Variants in LRBA observed in about 807,000 individuals in gnomAD.
LRBA encodes LPS responsive beige-like anchor protein.
A neutral mutation model predicts 330.0 loss-of-function variants in LRBA; 176 were observed. The ratio of observed to expected loss-of-function variants is 0.53; its 90% CI spans 0.47 to 0.60. LRBA has a LOEUF of 0.60. Among genes scored for constraint, LRBA ranks in the 20% least tolerant of loss-of-function variants. The pLI, the probability that LRBA is intolerant of heterozygous loss-of-function variation, is 0.00. For synonymous variants in LRBA, 1,230 were observed against 1,193.0 expected, an observed-to-expected ratio of 1.03 and a Z score of -0.64; for missense variants, 3,259 against 3,444.8, an observed-to-expected ratio of 0.95 and a Z score of 1.35.
chr4:150,281,941 T>G (rs1259056698), intron 55 of LRBA, among the ~76,000 whole-genome samples: 1 of 152,200 alleles, frequency 6.6e-6, no homozygotes, highest in Non-Finnish European at 1.5e-5. Flanking sequence ...TATCATAATT[T>G]GAAGCCCAGC....
chr4:150,852,785 A>G lies in LRBA; in HGVS notation c.2925T>C (p.Asp975=). 2 of 1,614,036 alleles carry G rather than the reference A, an allele frequency of 1.2e-6. No homozygotes were observed. The highest frequency in any genetic ancestry group is 1.7e-6 in the Non-Finnish European group (2 of 1,179,950). ...GAGGACAGACAGGAGAATCCTTCGT[A>G]TCTGGTTGCTGGGATCCTACTGAAA... ...INVSVGSQQP[D]TKDSPVCPHF... The change falls in exon 23 of 57, where the codon GAT becomes GAC. Residue 975 remains aspartate (D), a synonymous_variant. Transcript: ENST00000651943.
At chr4:150,547,983 G>A (rs1409855940) in intron 40 of LRBA, among the ~76,000 whole-genome samples, 1 of 152,044 alleles carries the variant, frequency 6.6e-6, no homozygotes, top group Non-Finnish European at 1.5e-5. Context: ...GGAACAAATG[G>A]AATGCCTTAA....
intron 37 of LRBA, among the ~76,000 whole-genome samples, chr4:150,612,902 TA>T (rs1775412242): frequency 6.6e-6 from 1 of 152,182 alleles, no homozygotes; most frequent in Admixed American, 6.5e-5. Context: ...CAAGAAGCTT[TA>T]AAGAGCAAGA....
intron 45 of LRBA, among the ~76,000 whole-genome samples, chr4:150,436,411 T>C (rs1459600113): frequency 6.6e-6 from 1 of 152,192 alleles, no homozygotes; most frequent in African/African-American, 2.4e-5. Flanking sequence ...TACATGTCTG[T>C]GTTAGTAACA....
intron 13 of LRBA, among the ~76,000 whole-genome samples, chr4:150,901,783 A>G (rs1730755186): frequency 6.6e-6 from 1 of 152,222 alleles, no homozygotes; most frequent in Non-Finnish European, 1.5e-5. Flanking sequence ...CTATACACAT[A>G]CAATACATTG....
intron 28 of LRBA, among the ~76,000 whole-genome samples, chr4:150,839,024 A>T (rs959723654): frequency 5.3e-5 from 8 of 152,258 alleles, no homozygotes; most frequent in South Asian, 2.1e-4. Context: ...GAATCTACAA[A>T]TAACTCAAAC....
intron 37 of LRBA, among the ~76,000 whole-genome samples, chr4:150,619,601 T>C (rs1218481051): frequency 6.6e-6 from 1 of 152,188 alleles, no homozygotes; most frequent in Non-Finnish European, 1.5e-5. Context: ...TTGTTATTAC[T>C]ATACAGATTC....
intron 37 of LRBA, among the ~76,000 whole-genome samples, chr4:150,669,178 T>C (rs911446057): frequency 6.6e-6 from 1 of 152,178 alleles, no homozygotes; most frequent in African/African-American, 2.4e-5. Context: ...GTTTCATGCA[T>C]ATGCAATAAT....
chr4:150,795,634 T>G (rs2126660957), intron 34 of LRBA, among the ~76,000 whole-genome samples: 1 of 152,086 alleles, frequency 6.6e-6, no homozygotes, highest in East Asian at 1.9e-4. Flanking sequence ...TAAACAATAT[T>G]AACATTTAAA....
chr4:150,865,926 G>A (rs749212596), intron 22 of LRBA, among the ~76,000 whole-genome samples: 27 of 152,056 alleles, frequency 1.8e-4, no homozygotes, highest in Non-Finnish European at 3.4e-4. Context: ...ATGTTGGCCA[G>A]GCTAGTCTCC....
chr4:150,899,397 AC>A (rs1030884173), intron 14 of LRBA, among the ~76,000 whole-genome samples: 96 of 152,224 alleles, frequency 6.3e-4, no homozygotes, highest in Middle Eastern at 3.4e-3. Flanking sequence ...TACTCAGAAT[AC>A]CTTTATCAAG....
At chr4:150,974,952 G>C (rs1739984001) in intron 2 of LRBA, among the ~76,000 whole-genome samples, 1 of 152,182 alleles carries the variant, frequency 6.6e-6, no homozygotes, top group Admixed American at 6.5e-5. Flanking sequence ...GCCAAAACTT[G>C]TGGTCTGACC....
upstream of LRBA, chr4:151,015,333 G>T: frequency 6.6e-6 from 1 of 152,634 alleles, no homozygotes; most frequent in Non-Finnish European, 1.5e-5. Context: ...AGTGGGAGGA[G>T]TGAAGCACCT....
At chr4:150,528,075 T>C (rs1480951133) in intron 40 of LRBA, among the ~76,000 whole-genome samples, 1 of 152,222 alleles carries the variant, frequency 6.6e-6, no homozygotes, top group Non-Finnish European at 1.5e-5. Flanking sequence ...GGTAAAAATA[T>C]AGAAGTAATG....
intron 28 of LRBA, among the ~76,000 whole-genome samples, chr4:150,836,886 T>C (rs1472502851): frequency 6.6e-6 from 1 of 152,238 alleles, no homozygotes; most frequent in Non-Finnish European, 1.5e-5. Flanking sequence ...ATTGTGATGT[T>C]AGGGTGTCAA....
intron 2 of LRBA, among the ~76,000 whole-genome samples, chr4:150,974,061 G>A (rs1579371229): frequency 1.3e-5 from 2 of 152,160 alleles, no homozygotes; most frequent in African/African-American, 4.8e-5. Context: ...CTATAAAAGG[G>A]TAATGGACAC....
chr4:150,955,161 G>C (rs1737400310), intron 2 of LRBA, among the ~76,000 whole-genome samples: 2 of 148,820 alleles, frequency 1.3e-5, no homozygotes, highest in Admixed American at 1.3e-4. Context: ...TGTAGTCCCA[G>C]TGTCTCAGGA....
chr4:150,289,717 G>C (rs1748605428), intron 53 of LRBA, among the ~76,000 whole-genome samples: 1 of 152,146 alleles, frequency 6.6e-6, no homozygotes. Context: ...TGTACAGATT[G>C]AGCATTCTTT....
At position 150,484,609 on chromosome 4, in the gene LRBA, T is replaced by G. The variant is rs945615827; in HGVS notation, c.6551+3123A>C. On this transcript the variant is annotated intron_variant, in intron 42 of 56. Transcript: ENST00000651943. ...AGAGACAGCTTTTCATTACACTGAT[T>G]TTTTTCTCTATCATTTATTTTTATT... is the stretch of plus-strand genomic sequence containing the variant. 6.6e-5 allele frequency among the ~76,000 whole-genome samples: 10 copies of G among 151,920 alleles called. No individual in the cohort carries two copies. The East Asian group carries it at 7.7e-4, about 12-fold the overall frequency.
Sources: gnomAD v4.1 joint callset for allele counts (sites outside exome capture counted in the v4.1 genomes callset) on GRCh38, gnomAD v4.1.1 for gene constraint, MANE v1.5 for transcripts, NCBI Gene and HGNC (gene_info 2026-07-23, HGNC 2026-07-21) for gene names.